DGKB: variants seen among roughly 807,000 people sequenced by gnomAD.
The protein encoded by DGKB is diacylglycerol kinase beta.
A neutral mutation model predicts 114.3 loss-of-function variants in DGKB; 67 were observed. The observed-to-expected ratio is 0.59, with a 90% confidence interval of 0.48 to 0.72. The LOEUF (loss-of-function observed/expected upper bound fraction) is 0.72, where lower values mean the gene tolerates loss of function less well. DGKB is among the 30% of genes least tolerant of loss of function. The probability of loss-of-function intolerance (pLI) is 0.00; values close to 1 mark genes in which losing one functional copy is unlikely to be tolerated. For missense variants in DGKB, 907 were observed against 975.2 expected (o/e 0.93, Z 0.93); for synonymous variants, 398 against 323.1 (o/e 1.23, Z -2.49).
At chr7:14,670,238 G>C (rs1395592025) in intron 13 of DGKB, among the ~76,000 whole-genome samples, 1 of 151,760 alleles carries the variant, frequency 6.6e-6, no homozygotes, top group Non-Finnish European at 1.5e-5. Flanking sequence ...GTGTGTATGT[G>C]TGTTAAGAGC....
At chr7:14,550,178 A>G (rs1298997092) in intron 20 of DGKB, among the ~76,000 whole-genome samples, 1 of 152,114 alleles carries the variant, frequency 6.6e-6, no homozygotes, top group Non-Finnish European at 1.5e-5. Flanking sequence ...TTTTGAAAAA[A>G]TCCTATTATA....
At chr7:14,651,389 G>T (rs970702210) in intron 13 of DGKB, among the ~76,000 whole-genome samples, 2 of 148,610 alleles carry the variant, frequency 1.3e-5, no homozygotes, top group Admixed American at 1.4e-4. Flanking sequence ...CAGAGCCAAA[G>T]ACAAAAACCA....
At chr7:14,358,624 A>G (rs1228634233) in intron 21 of DGKB, among the ~76,000 whole-genome samples, 2 of 152,178 alleles carry the variant, frequency 1.3e-5, no homozygotes. Context: ...TACAAAATCA[A>G]TGCACAAAAA....
chr7:14,350,532 C>T (rs1201493996), intron 21 of DGKB, among the ~76,000 whole-genome samples: 3 of 152,030 alleles, frequency 2.0e-5, no homozygotes, highest in Admixed American at 1.3e-4. Flanking sequence ...ATTTGTCTTA[C>T]TGTGGAAGAC....
Position 14,436,526 on chromosome 7 carries a change from G to A in DGKB, c.1835+41635C>T, listed in dbSNP as rs73280326. On this transcript the variant is annotated intron_variant, in intron 21 of 25. Coordinates refer to ENST00000402815, the MANE Select transcript of DGKB (RefSeq NM_001350709.2). ...TTTATTTTGGTATGCTGTCCACTTGGGGACAAGTTGCTATAGTTGTGACCA... is the reference window on the plus strand; with the variant it reads ...TTTATTTTGGTATGCTGTCCACTTGAGGACAAGTTGCTATAGTTGTGACCA... Among the ~76,000 whole-genome samples the A allele has an allele frequency of 9.3e-3, 1,408 of 151,976 alleles. 24 individuals carry two copies. The highest frequency in any genetic ancestry group is 0.033 in the African/African-American group (1,348 of 41,468).
intron 2 of DGKB, among the ~76,000 whole-genome samples, chr7:14,788,409 G>C (rs1840197607): frequency 6.6e-6 from 1 of 152,112 alleles, no homozygotes; most frequent in Non-Finnish European, 1.5e-5. Context: ...TGCTAATGCT[G>C]GAGGAAGTAT....
intron 2 of DGKB, 76 bp from the exon 3 acceptor site, chr7:14,757,807 C>A (rs557974658): frequency 7.1e-6 from 5 of 701,692 alleles, no homozygotes; most frequent in East Asian, 2.8e-5. Context: ...GAAACAGAGA[C>A]CACTTAAAAT....
At chr7:14,738,183 G>A (rs1294124782) in intron 4 of DGKB, among the ~76,000 whole-genome samples, 2 of 152,222 alleles carry the variant, frequency 1.3e-5, no homozygotes, top group African/African-American at 2.4e-5. Flanking sequence ...TTGGGTGAGT[G>A]ACCAAAATTG....
intron 20 of DGKB, among the ~76,000 whole-genome samples, chr7:14,512,572 A>C (rs2128545565): frequency 6.6e-6 from 1 of 152,192 alleles, no homozygotes; most frequent in African/African-American, 2.4e-5. Flanking sequence ...ATTTTTCTTA[A>C]ATCATTCCTA....
chr7:14,555,218 C>G (rs1245324659), intron 20 of DGKB, among the ~76,000 whole-genome samples: 1 of 152,134 alleles, frequency 6.6e-6, no homozygotes, highest in Non-Finnish European at 1.5e-5. Flanking sequence ...TTTTATCCCT[C>G]TCCAATGATT....
chr7:14,202,845 AT>A (rs971111914), intron 23 of DGKB, among the ~76,000 whole-genome samples: 6 of 151,924 alleles, frequency 3.9e-5, no homozygotes, highest in South Asian at 4.1e-4. Context: ...ATGGTGATTT[AT>A]TTTTTTCCAG....
intron 1 of DGKB, among the ~76,000 whole-genome samples, chr7:14,871,922 T>C (rs1015397832): frequency 6.6e-6 from 1 of 152,162 alleles, no homozygotes; most frequent in Non-Finnish European, 1.5e-5. Context: ...AAGTTTGAAA[T>C]ACAAGTATTC....
chr7:14,149,899 C>T (rs562382059), intron 25 of DGKB, among the ~76,000 whole-genome samples: 2 of 152,146 alleles, frequency 1.3e-5, no homozygotes, highest in African/African-American at 4.8e-5. Context: ...TAAAGCTACT[C>T]GTTTTGATTT....
chr7:14,206,966 A>G (rs1027913735), intron 23 of DGKB, among the ~76,000 whole-genome samples: 5 of 151,624 alleles, frequency 3.3e-5, no homozygotes, highest in Non-Finnish European at 7.4e-5. Flanking sequence ...AAACCTAAGT[A>G]TTAGGGTAAA....
rs188483484 is a variant in DGKB at position 14,735,643 on chromosome 7, T to G, written c.322+398A>C. Among the ~76,000 whole-genome samples the G allele has an allele frequency of 7.4e-4, 112 of 152,308 alleles. 1 individual carries two copies. The highest frequency in any genetic ancestry group is 1.2e-3 in the Non-Finnish European group (83 of 68,018). On this transcript the variant is annotated intron_variant, in intron 5 of 25. Coordinates refer to ENST00000402815, the MANE Select transcript of DGKB (RefSeq NM_001350709.2). Reference sequence around the variant, plus strand: ...TGTTCTGAGCTTACAAATCTAAACATGTGAAAGTATATTGGCAATTAGCAA... The same window carrying G: ...TGTTCTGAGCTTACAAATCTAAACAGGTGAAAGTATATTGGCAATTAGCAA...
At chr7:14,712,689 A>AATAC (rs1424000694) in intron 6 of DGKB, among the ~76,000 whole-genome samples, 2 of 151,970 alleles carry the variant, frequency 1.3e-5, no homozygotes, top group Non-Finnish European at 1.5e-5. Context: ...TAAATAAATA[A>AATAC]ATAGAAAGAA....
chr7:14,227,218 T>C (rs371816311), intron 23 of DGKB, among the ~76,000 whole-genome samples: 7 of 152,078 alleles, frequency 4.6e-5, no homozygotes, highest in African/African-American at 1.7e-4. Flanking sequence ...TGATGAACTT[T>C]TGTTCAAAAA....
chr7:14,616,719 T>C (rs1027977236), intron 15 of DGKB, among the ~76,000 whole-genome samples: 4 of 151,786 alleles, frequency 2.6e-5, no homozygotes, highest in Non-Finnish European at 5.9e-5. Context: ...CTCAACCTGC[T>C]CTCAATCTCC....
chr7:14,540,251 A>G (rs966647626), intron 20 of DGKB, among the ~76,000 whole-genome samples: 1 of 152,154 alleles, frequency 6.6e-6, no homozygotes, highest in African/African-American at 2.4e-5. Flanking sequence ...CATATTTACT[A>G]TAAAGATGCA....
Sources: allele counts gnomAD v4.1 joint callset (sites outside exome capture counted in the v4.1 genomes callset), GRCh38; gene constraint gnomAD v4.1.1; transcripts MANE v1.5; gene names NCBI Gene and HGNC (gene_info 2026-07-23, HGNC 2026-07-21).